Variants in HACD3 observed in about 807,000 individuals in gnomAD.
The protein encoded by HACD3 is very-long-chain (3R)-3-hydroxyacyl-CoA dehydratase 3.
Under a neutral mutation model 55.2 loss-of-function variants are expected in HACD3, and 30 were observed. The ratio of observed to expected loss-of-function variants is 0.54; its 90% CI spans 0.41 to 0.74. The LOEUF is 0.74. HACD3 is among the 30% of genes least tolerant of loss of function. The pLI, the probability that HACD3 is intolerant of heterozygous loss-of-function variation, is 0.00. For synonymous variants in HACD3, 141 were observed against 151.7 expected, an observed-to-expected ratio of 0.93 and a Z score of 0.52; for missense variants, 363 against 440.1, an observed-to-expected ratio of 0.82 and a Z score of 1.57.
At chr15:65,537,317 A>G (rs937286463) in intron 1 of HACD3, among the ~76,000 whole-genome samples, 2 of 152,220 alleles carry the variant, frequency 1.3e-5, no homozygotes, top group African/African-American at 4.8e-5. Context: ...TTTTCAATGT[A>G]ACAGCCTTCT....
At chr15:65,552,155 C>T (rs1408301561) in intron 2 of HACD3, among the ~76,000 whole-genome samples, 13 of 151,968 alleles carry the variant, frequency 8.6e-5, no homozygotes, top group Admixed American at 6.6e-4. Context: ...GATTGAGAAA[C>T]GTGAAGAATT....
At position 65,530,719 on chromosome 15, in the gene HACD3, G is replaced by A; in HGVS notation, c.87+1G>A. 6.4e-7 allele frequency: 1 copy of A among 1,553,492 alleles called. No individual in the cohort carries two copies. The highest frequency in any genetic ancestry group is 1.2e-5 in the South Asian group (1 of 83,550). On this transcript the variant is annotated splice_donor_variant, in intron 1 of 10. Coordinates refer to ENST00000261875, the MANE Select transcript of HACD3 (RefSeq NM_016395.4). LOFTEE classifies it high-confidence loss of function. ...GCGCGTGGAGCTGAGTGACGTACAG[G>A]TAAAGGCCGGGTCGGGCGGCGGGAA...
intron 1 of HACD3, among the ~76,000 whole-genome samples, chr15:65,550,280 A>C (rs1242144916): frequency 1.3e-5 from 2 of 152,100 alleles, no homozygotes; most frequent in Non-Finnish European, 2.9e-5. Flanking sequence ...CCAGCTACTC[A>C]GGAGGCTGAG....
chr15:65,570,126 T>C lies in HACD3; in HGVS notation c.696T>C (p.Phe232=), dbSNP rs750396447. 4 of 1,612,914 alleles carry C rather than the reference T, an allele frequency of 2.5e-6. No homozygotes were observed. Among genetic ancestry groups the C allele is most frequent in the Non-Finnish European group, 2.5e-6 (3 of 1,179,188 alleles). The change falls in exon 8 of 11, where the codon TTT becomes TTC. Residue 232 remains phenylalanine, a synonymous_variant. Transcript: ENST00000261875. The stretch of plus-strand genomic sequence containing the variant: ...GAAATTTTATTTTGTTTATCATCTT[T>C]GGCACCATGGAAGAAATGCAGAACA... ...LGRNFILFII[F]GTMEEMQNKA...
chr15:65,547,557 C>G lies in HACD3; in HGVS notation c.88-4119C>G, dbSNP rs949394739. ...GCACAGTTTAGGAACATTGGACCAC[C>G]CTTATTAGTTAGGTGATGGAGGAAA... is the stretch of plus-strand genomic sequence containing the variant. On this transcript the variant is annotated intron_variant, in intron 1 of 10. Transcript: ENST00000261875. 6.4e-4 allele frequency among the ~76,000 whole-genome samples: 98 copies of G among 152,302 alleles called. 1 individual carries two copies. The highest frequency in any genetic ancestry group is 1.3e-4 in the Non-Finnish European group (9 of 68,028).
intron 1 of HACD3, chr15:65,535,698 CT>C (rs746107738): frequency 0.1 from 38,183 of 376,678 alleles, no homozygotes; most frequent in East Asian, 0.14. Flanking sequence ...TTGATGTTAA[CT>C]TTTTTTTTTT....
At chr15:65,534,194 ACT>A (rs1270948803) in intron 1 of HACD3, among the ~76,000 whole-genome samples, 7 of 152,176 alleles carry the variant, frequency 4.6e-5, no homozygotes, top group Admixed American at 6.5e-5. Context: ...GCACTTTAAC[ACT>A]CTCTGCTTTC....
intron 2 of HACD3, 92 bp downstream of exon 2, chr15:65,551,810 T>C: frequency 1.3e-6 from 2 of 1,485,918 alleles, no homozygotes; most frequent in Non-Finnish European, 1.9e-6. Flanking sequence ...TTTGTCTTAC[T>C]TGTTTTTTGC....
intron 1 of HACD3, among the ~76,000 whole-genome samples, chr15:65,540,006 G>A (rs2072004763): frequency 6.6e-6 from 1 of 152,116 alleles, no homozygotes; most frequent in South Asian, 2.1e-4. Context: ...CATGTTTGAG[G>A]GAGAGGGCAT....
At chr15:65,541,575 T>C (rs552793114) in intron 1 of HACD3, among the ~76,000 whole-genome samples, 1 of 152,260 alleles carries the variant, frequency 6.6e-6, no homozygotes, top group East Asian at 1.9e-4. Flanking sequence ...GGAAGTGGGG[T>C]CCGCTATAGA....
intron 1 of HACD3, among the ~76,000 whole-genome samples, chr15:65,545,553 C>T (rs1483002155): frequency 6.6e-6 from 1 of 151,654 alleles, no homozygotes; most frequent in African/African-American, 2.4e-5. Context: ...ACGCCATTCT[C>T]CTGCCTCAGC....
chr15:65,552,605 G>C (rs1285331664), intron 2 of HACD3, among the ~76,000 whole-genome samples: 1 of 151,698 alleles, frequency 6.6e-6, no homozygotes, highest in Non-Finnish European at 1.5e-5. Flanking sequence ...CGAAGTGCTG[G>C]GATTATAGGC....
rs1463878009 is a variant in HACD3, at chr15:65,577,222, C to T, written c.*843C>T. ...GGAGCATCGCTTGAAGCCAGGAGTT[C>T]AAGACCAGCTTGGGCAACGTAGTGA... On this transcript the variant is annotated 3_prime_UTR_variant, in exon 11 of 11. Coordinates refer to ENST00000261875, the MANE Select transcript of HACD3 (RefSeq NM_016395.4). 6.6e-6 allele frequency: 1 copy of T among 152,190 alleles called. No homozygotes were observed. Among genetic ancestry groups the T allele is most frequent in the Non-Finnish European group, 1.5e-5 (1 of 68,082 alleles). The allele number at this position is 152,190 out of a possible 1,614,324, so 9.4% of individuals were successfully genotyped here.
intron 1 of HACD3, chr15:65,535,686 C>A: frequency 4.4e-6 from 2 of 450,362 alleles, no homozygotes; most frequent in South Asian, 4.6e-5. Context: ...GATCAGTGAT[C>A]TTTGATGTTA....
At chr15:65,574,885 C>T (rs1161857416) in intron 10 of HACD3, among the ~76,000 whole-genome samples, 1 of 151,970 alleles carries the variant, frequency 6.6e-6, no homozygotes, top group Non-Finnish European at 1.5e-5. Context: ...ATAACTAGGC[C>T]CCATGAAATG....
At chr15:65,532,636 A>G (rs2071913527) in intron 1 of HACD3, among the ~76,000 whole-genome samples, 1 of 151,516 alleles carries the variant, frequency 6.6e-6, no homozygotes, top group Non-Finnish European at 1.5e-5. Flanking sequence ...CTGTCTCAAA[A>G]AAAAAAAAAA....
intron 1 of HACD3, among the ~76,000 whole-genome samples, chr15:65,541,945 T>C (rs147248509): frequency 0.024 from 3,608 of 152,054 alleles, 60 homozygotes; most frequent in Non-Finnish European, 0.032. Flanking sequence ...AGAATATCTG[T>C]TTTGGCCGGG....
At chr15:65,570,545 A>G (rs1405469732) in intron 8 of HACD3, among the ~76,000 whole-genome samples, 1 of 152,224 alleles carries the variant, frequency 6.6e-6, no homozygotes, top group East Asian at 1.9e-4. Flanking sequence ...AGGAGGTTGA[A>G]GGAGCAATCC....
At position 65,530,486 on chromosome 15, in the gene HACD3, G is replaced by T; in HGVS notation, c.-146G>T. On this transcript the variant is annotated 5_prime_UTR_variant, in exon 1 of 11. Coordinates refer to ENST00000261875, the MANE Select transcript of HACD3 (RefSeq NM_016395.4). ...GCGTCACTGCGCAGGCGCGGCCCGC[G>T]AGCGTGGGGTATCTCGAGGTGCCGG... 1.5e-6 allele frequency: 1 copy of T among 650,138 alleles called. No individual in the cohort carries two copies. Among genetic ancestry groups the T allele is most frequent in the East Asian group, 3.5e-5 (1 of 28,580 alleles). The allele number at this position is 650,138 out of a possible 1,614,324, so 40.3% of individuals were successfully genotyped here.
Sources: gnomAD v4.1 joint callset for allele counts (sites outside exome capture counted in the v4.1 genomes callset) on GRCh38, gnomAD v4.1.1 for gene constraint, MANE v1.5 for transcripts, NCBI Gene and HGNC (gene_info 2026-07-23, HGNC 2026-07-21) for gene names.